The following SLC22A25 variants were observed in gnomAD, a reference collection of about 807,000 sequenced individuals.
The protein encoded by SLC22A25 is MGI:2442751, MGI:2385316, MGI:3042283, MGI:3645714, MGI:3605624, MGI:2442750.
A neutral mutation model predicts 45.9 loss-of-function variants in SLC22A25; 44 were observed. That is an observed-to-expected ratio of 0.96 (90% CI 0.75 to 1.23). SLC22A25 has a LOEUF of 1.23. SLC22A25 is among the 50% of genes most tolerant of loss of function. The probability of loss-of-function intolerance (pLI) is 0.00; values close to 1 mark genes in which losing one functional copy is unlikely to be tolerated. For missense variants in SLC22A25, 800 were observed against 666.4 expected (o/e 1.20, Z -2.21); for synonymous variants, 283 against 238.6 (o/e 1.19, Z -1.72).
intron 3 of SLC22A25, among the ~76,000 whole-genome samples, chr11:63,231,196 T>A (rs2090061826): frequency 6.6e-6 from 1 of 152,232 alleles, no homozygotes; most frequent in African/African-American, 2.4e-5. Context: ...AAATGGTATT[T>A]CTAGTTCTGG....
At chr11:63,210,492 GCC>G (rs1445550510) in intron 7 of SLC22A25, among the ~76,000 whole-genome samples, 2 of 152,114 alleles carry the variant, frequency 1.3e-5, no homozygotes. Flanking sequence ...AAAGATGAGT[GCC>G]CCGAAAAGGA....
chr11:63,187,840 A>G (rs542332006), intron 7 of SLC22A25, among the ~76,000 whole-genome samples: 2 of 152,234 alleles, frequency 1.3e-5, no homozygotes, highest in East Asian at 1.9e-4. Flanking sequence ...TATATGCTGG[A>G]TTACATTTAT....
chr11:63,192,749 C>T (rs941624429), intron 7 of SLC22A25, among the ~76,000 whole-genome samples: 1 of 152,186 alleles, frequency 6.6e-6, no homozygotes, highest in South Asian at 2.1e-4. Flanking sequence ...GAAGGCATTA[C>T]ATAATGGCAA....
At chr11:63,242,782 C>T (rs957187575) in intron 1 of SLC22A25, among the ~76,000 whole-genome samples, 1 of 152,276 alleles carries the variant, frequency 6.6e-6, no homozygotes, top group Middle Eastern at 3.4e-3. Flanking sequence ...GTTTCTATTG[C>T]TCTTTGGCCC....
chr11:63,173,385 T>G (rs1443221161), intron 9 of SLC22A25, among the ~76,000 whole-genome samples: 1 of 152,122 alleles, frequency 6.6e-6, no homozygotes, highest in African/African-American at 2.4e-5. Context: ...AAAGTATAAT[T>G]TTAAAAAAGA....
chr11:63,160,713 C>T lies in SLC22A25; in HGVS notation c.*3111G>A, dbSNP rs2087526340. ...CTGGAAAAGCTGCAGACACTCAATG[C>T]CAGGTCACAAAAGCAGCCAGGAGGG... On this transcript the variant is annotated 3_prime_UTR_variant, in exon 12 of 12. Transcript: ENST00000306494. Among the ~76,000 whole-genome samples the T allele has an allele frequency of 1.3e-5, 2 of 152,130 alleles. No homozygotes were observed. The highest frequency in any genetic ancestry group is 1.3e-4 in the Admixed American group (2 of 15,272).
At position 63,162,155 on chromosome 11, in the gene SLC22A25, T is replaced by C. The variant is rs974333737; in HGVS notation, c.*1669A>G. Among the ~76,000 whole-genome samples the C allele has an allele frequency of 3.9e-5, 6 of 152,228 alleles. No individual in the cohort carries two copies. The highest frequency in any genetic ancestry group is 3.3e-4 in the Admixed American group (5 of 15,280). ...AGAGTTGTTTGAGCTCCTTATATAT[T>C]CTGGTGATTAGTCCTTTGTCAGAGG... On this transcript the variant is annotated 3_prime_UTR_variant, in exon 12 of 12. Transcript: ENST00000306494.
chr11:63,175,768 T>A (rs1414440745), intron 9 of SLC22A25, among the ~76,000 whole-genome samples: 1 of 151,932 alleles, frequency 6.6e-6, no homozygotes, highest in African/African-American at 2.4e-5. Context: ...TTCAGTTGAT[T>A]TTTGTGTGTG....
intron 7 of SLC22A25, among the ~76,000 whole-genome samples, chr11:63,185,238 T>A (rs927878905): frequency 1.3e-5 from 2 of 152,072 alleles, no homozygotes; most frequent in African/African-American, 4.8e-5. Context: ...CTGCACCCAT[T>A]AACTCGTCAT....
At chr11:63,235,281 C>T (rs939225631) in intron 3 of SLC22A25, among the ~76,000 whole-genome samples, 2 of 152,194 alleles carry the variant, frequency 1.3e-5, no homozygotes, top group African/African-American at 4.8e-5. Context: ...TCAGGTACAC[C>T]AGTTAGACGT....
chr11:63,189,367 C>A (rs1025297905), intron 7 of SLC22A25, among the ~76,000 whole-genome samples: 11 of 152,222 alleles, frequency 7.2e-5, no homozygotes, highest in Admixed American at 5.9e-4. Context: ...AGGATTGCTA[C>A]CCCTGCTTTT....
intron 7 of SLC22A25, among the ~76,000 whole-genome samples, chr11:63,204,272 A>G (rs1034066052): frequency 2.0e-5 from 3 of 152,230 alleles, no homozygotes; most frequent in Non-Finnish European, 2.9e-5. Context: ...ATAACCAGCT[A>G]GCATCATAAC....
At chr11:63,177,551 A>G (rs918922442) in intron 9 of SLC22A25, among the ~76,000 whole-genome samples, 1 of 151,540 alleles carries the variant, frequency 6.6e-6, no homozygotes, top group Non-Finnish European at 1.5e-5. Context: ...CCTTCTTAAT[A>G]CCCTTTCCCC....
chr11:63,194,933 A>AAAAAAAAAAAAAAAAAAAAAAAAAAAC (rs2088959815), intron 7 of SLC22A25, among the ~76,000 whole-genome samples: 1 of 110,456 alleles, frequency 9.1e-6, no homozygotes, highest in Non-Finnish European at 1.9e-5. Context: ...AAAAAAAAAA[A>AAAAAAAAAAAAAAAAAAAAAAAAAAAC]AAAGCAGGGG....
In SLC22A25 at chr11:63,219,985, A is replaced by G. The variant is rs147427992; in HGVS notation, c.507-2250T>C. 1.2e-4 allele frequency: 154 copies of G among 1,289,312 alleles called. No homozygotes were observed. The African/African-American group carries it at 2.1e-3, about 18-fold the overall frequency. 79.9% of individuals were successfully genotyped at this position (1,289,312 alleles called of 1,614,324 possible). ...TGGGCACCTCAAGTCCCTCGTCACA[A>G]TCAGTGGAGACATGGTTGGGCGATG... On this transcript the variant is annotated intron_variant, in intron 5 of 11. Coordinates refer to ENST00000306494, the MANE Select transcript of SLC22A25 (RefSeq NM_199352.6).
rs963274753 is a variant in SLC22A25, at chr11:63,160,584, T to C, written c.*3240A>G. On this transcript the variant is annotated 3_prime_UTR_variant, in exon 12 of 12. Transcript: ENST00000306494. ...AAGGAAGATGTGGGGTTGAAGTCCATACACAGAGTCTCCATCGGAGACTGC... is the reference window on the plus strand; with the variant it reads ...AAGGAAGATGTGGGGTTGAAGTCCACACACAGAGTCTCCATCGGAGACTGC... Among the ~76,000 whole-genome samples the C allele has an allele frequency of 2.0e-5, 3 of 152,278 alleles. No individual in the cohort carries two copies. Among genetic ancestry groups the C allele is most frequent in the East Asian group, 3.9e-4 (2 of 5,188 alleles).
intron 7 of SLC22A25, among the ~76,000 whole-genome samples, chr11:63,209,049 G>A (rs546831890): frequency 6.6e-5 from 10 of 152,252 alleles, no homozygotes; most frequent in East Asian, 3.9e-4. Context: ...AATTAAGGAC[G>A]TATTGTGAGA....
chr11:63,175,684 C>T (rs2134723707), intron 9 of SLC22A25, among the ~76,000 whole-genome samples: 1 of 152,082 alleles, frequency 6.6e-6, no homozygotes, highest in South Asian at 2.1e-4. Context: ...AAACTAATGT[C>T]ATGAAGCTTT....
rs2134698628 is a variant in SLC22A25 at position 63,159,216 on chromosome 11, T to A, written c.*4608A>T. ...CCATTGTGAACAGTTCTGCAACAAA[T>A]GTGGGAGTGCAGATACGTCTTTGAT... On this transcript the variant is annotated 3_prime_UTR_variant, in exon 12 of 12. Transcript: ENST00000306494. Among the ~76,000 whole-genome samples the A allele has an allele frequency of 6.6e-6, 1 of 152,322 alleles. No individual in the cohort carries two copies. Among genetic ancestry groups the A allele is most frequent in the East Asian group, 1.9e-4 (1 of 5,188 alleles).
Sources: allele counts gnomAD v4.1 joint callset (sites outside exome capture counted in the v4.1 genomes callset), GRCh38; gene constraint gnomAD v4.1.1; transcripts MANE v1.5; gene names NCBI Gene and HGNC (gene_info 2026-07-23, HGNC 2026-07-21).